Variants in CAMKMT observed in about 807,000 individuals in gnomAD.
CAMKMT encodes the protein CaM KMT.
In CAMKMT, 53 loss-of-function variants were observed where a neutral mutation model predicts 48.0. That is an observed-to-expected ratio of 1.10 (90% CI 0.89 to 1.39). CAMKMT has a LOEUF of 1.39. Among genes scored for constraint, CAMKMT ranks in the 40% most tolerant of loss-of-function variants. The pLI, the probability that CAMKMT is intolerant of heterozygous loss-of-function variation, is 0.00. For missense variants in CAMKMT, 428 were observed against 402.7 expected, an observed-to-expected ratio of 1.06 and a Z score of -0.54; for synonymous variants, 165 against 152.3, an observed-to-expected ratio of 1.08 and a Z score of -0.61.
At chr2:44,716,887 G>C (rs1678201916) in intron 7 of CAMKMT, among the ~76,000 whole-genome samples, 1 of 152,184 alleles carries the variant, frequency 6.6e-6, no homozygotes, top group Non-Finnish European at 1.5e-5. Flanking sequence ...GCTGTGAAGA[G>C]AGATTGTGTT....
At chr2:44,715,149 C>A (rs560855278) in intron 6 of CAMKMT, 138 bp from the exon 7 acceptor site, 6 of 533,012 alleles carry the variant, frequency 1.1e-5, no homozygotes, top group Non-Finnish European at 2.0e-5. Context: ...GCTGAGATCA[C>A]GCCACTGCAC....
At chr2:44,698,741 A>G (rs2104248059) in intron 3 of CAMKMT, among the ~76,000 whole-genome samples, 1 of 152,328 alleles carries the variant, frequency 6.6e-6, no homozygotes, top group Non-Finnish European at 1.5e-5. Flanking sequence ...GCAGTTTGCC[A>G]CATTGGTTGA....
intron 3 of CAMKMT, among the ~76,000 whole-genome samples, chr2:44,505,318 A>C (rs554583764): frequency 1.3e-5 from 2 of 152,252 alleles, no homozygotes; most frequent in East Asian, 3.9e-4. Flanking sequence ...GTAGTTTGCA[A>C]ATGTTTTCTC....
chr2:44,488,430 G>A (rs1214746688), intron 3 of CAMKMT, among the ~76,000 whole-genome samples: 1 of 152,192 alleles, frequency 6.6e-6, no homozygotes, highest in Non-Finnish European at 1.5e-5. Context: ...CTTGAACCCA[G>A]GAGGCAGAGG....
chr2:44,471,324 G>A (rs1338445960), intron 3 of CAMKMT, among the ~76,000 whole-genome samples: 12 of 151,992 alleles, frequency 7.9e-5, no homozygotes, highest in Admixed American at 7.2e-4. Context: ...TGCTTTTAAT[G>A]CTTTAAAAAC....
intron 3 of CAMKMT, among the ~76,000 whole-genome samples, chr2:44,419,432 G>C (rs1363322754): frequency 2.0e-5 from 3 of 152,144 alleles, no homozygotes; most frequent in African/African-American, 7.2e-5. Context: ...CAGTTCTAGT[G>C]GTGGCCTCCT....
chr2:44,755,306 C>A (rs1680325402), intron 9 of CAMKMT, among the ~76,000 whole-genome samples: 1 of 152,068 alleles, frequency 6.6e-6, no homozygotes, highest in South Asian at 2.1e-4. Context: ...CTATTGACGG[C>A]CACTGCATGG....
intron 3 of CAMKMT, among the ~76,000 whole-genome samples, chr2:44,581,669 A>T (rs1274242686): frequency 6.6e-6 from 1 of 152,262 alleles, no homozygotes; most frequent in Non-Finnish European, 1.5e-5. Context: ...TATAAAGAGC[A>T]CTGTAAATTT....
intron 3 of CAMKMT, among the ~76,000 whole-genome samples, chr2:44,654,793 G>C (rs1482744652): frequency 6.6e-6 from 1 of 152,142 alleles, no homozygotes; most frequent in Non-Finnish European, 1.5e-5. Flanking sequence ...GGGATTACAG[G>C]CGTGAGCCAC....
At chr2:44,640,990 G>A (rs1238942959) in intron 3 of CAMKMT, among the ~76,000 whole-genome samples, 3 of 152,190 alleles carry the variant, frequency 2.0e-5, no homozygotes, top group Admixed American at 2.0e-4. Context: ...CCAGCGTCAT[G>A]AAGTGGTGCC....
chr2:44,685,520 A>G (rs1370014173), intron 3 of CAMKMT, among the ~76,000 whole-genome samples: 2 of 152,220 alleles, frequency 1.3e-5, no homozygotes, highest in African/African-American at 4.8e-5. Context: ...TGGAGAGACC[A>G]CCATTAACCA....
intron 3 of CAMKMT, among the ~76,000 whole-genome samples, chr2:44,527,654 T>A (rs1338019249): frequency 6.6e-6 from 1 of 151,736 alleles, no homozygotes. Context: ...GTGCAACATG[T>A]TCATGAGTGT....
chr2:44,629,293 A>G (rs973433563), intron 3 of CAMKMT, among the ~76,000 whole-genome samples: 1 of 152,032 alleles, frequency 6.6e-6, no homozygotes, highest in Non-Finnish European at 1.5e-5. Flanking sequence ...CCTCAGTAAT[A>G]TTTGTTCTTT....
chr2:44,634,823 C>G (rs1337057377), intron 3 of CAMKMT, among the ~76,000 whole-genome samples: 2 of 139,668 alleles, frequency 1.4e-5, no homozygotes, highest in Non-Finnish European at 3.0e-5. Flanking sequence ...GCATTCTAGT[C>G]AGACAGAGCA....
At chr2:44,720,241 A>C (rs1228563761) in intron 7 of CAMKMT, among the ~76,000 whole-genome samples, 1 of 152,194 alleles carries the variant, frequency 6.6e-6, no homozygotes, top group Non-Finnish European at 1.5e-5. Context: ...CTCTTAAACT[A>C]CAGTCAATTA....
intron 3 of CAMKMT, among the ~76,000 whole-genome samples, chr2:44,538,330 T>G (rs1171741075): frequency 6.8e-6 from 1 of 147,806 alleles, no homozygotes; most frequent in Non-Finnish European, 1.5e-5. Flanking sequence ...ATTGTGCCAC[T>G]GCACTCCAGC....
At chr2:44,737,800 G>A (rs779961939) in intron 7 of CAMKMT, among the ~76,000 whole-genome samples, 5 of 150,580 alleles carry the variant, frequency 3.3e-5, no homozygotes, top group African/African-American at 1.2e-4. Context: ...CTCCTATTCA[G>A]TATTTTATCC....
At chr2:44,733,519 C>T (rs183381290) in intron 7 of CAMKMT, among the ~76,000 whole-genome samples, 8 of 152,092 alleles carry the variant, frequency 5.3e-5, no homozygotes, top group African/African-American at 1.4e-4. Context: ...TTATGCCTGA[C>T]GTTAGGAAGA....
intron 3 of CAMKMT, among the ~76,000 whole-genome samples, chr2:44,597,254 A>G (rs974686457): frequency 3.9e-5 from 6 of 152,226 alleles, no homozygotes; most frequent in Non-Finnish European, 7.3e-5. Context: ...TTAACTCTCT[A>G]TATAACTAAG....
Sources: allele counts gnomAD v4.1 joint callset (sites outside exome capture counted in the v4.1 genomes callset), GRCh38; gene constraint gnomAD v4.1.1; transcripts MANE v1.5; gene names NCBI Gene and HGNC (gene_info 2026-07-23, HGNC 2026-07-21).